Variants in PPP1R9A observed in about 807,000 individuals in gnomAD.
PPP1R9A encodes the protein protein phosphatase 1 regulatory subunit 9A.
PPP1R9A carries 59 observed loss-of-function variants against 141.9 expected under a neutral mutation model. The observed-to-expected ratio is 0.42, with a 90% CI of 0.34 to 0.52. PPP1R9A has a LOEUF of 0.52. Ranked by LOEUF, PPP1R9A falls within the 20% of genes least tolerant of loss-of-function variation. The probability of loss-of-function intolerance (pLI) is 0.10; values close to 1 mark genes in which losing one functional copy is unlikely to be tolerated. For synonymous variants in PPP1R9A, 500 were observed against 569.7 expected (o/e 0.88, Z 1.74); for missense variants, 1,444 against 1,611.9 (o/e 0.90, Z 1.78).
rs17166647 is a variant in PPP1R9A, at chr7:95,102,431, G to A, written c.1396-8828G>A. ...AGAATTTTGATTAGGTTTCAGAGTC[G>A]CGATTGACCCTAGAATCCAGCAGCC... On this transcript the variant is annotated intron_variant, in intron 2 of 19. Coordinates refer to ENST00000433360, the MANE Select transcript of PPP1R9A (RefSeq NM_001166160.2). Among the ~76,000 whole-genome samples, 606 of 152,246 alleles carry A rather than the reference G, an allele frequency of 4.0e-3. 23 individuals are homozygous for A. Among genetic ancestry groups the A allele is most frequent in the East Asian group, 0.037 (193 of 5,168 alleles).
intron 8 of PPP1R9A, 120 bp downstream of exon 8, chr7:95,226,236 T>C: frequency 2.0e-6 from 2 of 990,170 alleles, no homozygotes; most frequent in South Asian, 2.4e-5. Flanking sequence ...TAATAACAGG[T>C]TGTCTTGAGT....
At chr7:94,931,476 G>A (rs1432609545) in intron 2 of PPP1R9A, among the ~76,000 whole-genome samples, 4 of 152,252 alleles carry the variant, frequency 2.6e-5, no homozygotes, top group Non-Finnish European at 5.9e-5. Context: ...AACTTACAGT[G>A]TATATTTATG....
intron 5 of PPP1R9A, among the ~76,000 whole-genome samples, chr7:95,180,280 C>T (rs1490299734): frequency 6.6e-6 from 1 of 152,024 alleles, no homozygotes; most frequent in African/African-American, 2.4e-5. Context: ...GGGGAATGGA[C>T]ACCCTTTTTA....
At position 95,019,132 on chromosome 7, in the gene PPP1R9A, C is replaced by T. The variant is rs143016535; in HGVS notation, c.1396-92127C>T. 6.0e-3 allele frequency among the ~76,000 whole-genome samples: 921 copies of T among 152,268 alleles called. 10 individuals carry two copies. The highest frequency in any genetic ancestry group is 0.021 in the African/African-American group (857 of 41,554). ...AAAATAGGCTGGGCGTGGTGGCTCACGCCTGTAATCCTAGCACTTTGGGAG... is the reference window on the plus strand; with the variant it reads ...AAAATAGGCTGGGCGTGGTGGCTCATGCCTGTAATCCTAGCACTTTGGGAG... On this transcript the variant is annotated intron_variant, in intron 2 of 19. Transcript: ENST00000433360.
rs1812495739 is a variant in PPP1R9A at position 95,063,294 on chromosome 7, C to CT, written c.1396-47964dup. ...AAGGTACATTTGGTGGAGGGAATGG[C>CT]TCACACCTGTAATACCAGCAATTTA... is the stretch of plus-strand genomic sequence containing the variant. On this transcript the variant is annotated intron_variant, in intron 2 of 19. Transcript: ENST00000433360. 2.0e-5 allele frequency among the ~76,000 whole-genome samples: 3 copies of CT among 152,138 alleles called. 1 individual carries two copies. Among genetic ancestry groups the CT allele is most frequent in the Admixed American group, 2.0e-4 (3 of 15,278 alleles).
intron 2 of PPP1R9A, among the ~76,000 whole-genome samples, chr7:94,954,082 T>C (rs867060988): frequency 1.3e-5 from 2 of 152,166 alleles, no homozygotes; most frequent in African/African-American, 4.8e-5. Context: ...TTCAGTATGA[T>C]ATTGGCTGTG....
chr7:94,985,661 T>C (rs2188476), intron 2 of PPP1R9A, among the ~76,000 whole-genome samples: 14,702 of 152,198 alleles, frequency 0.097, 808 homozygotes, highest in East Asian at 0.17. Flanking sequence ...CTTTTATTTT[T>C]TTTTGCTTTC....
chr7:94,945,162 A>G (rs527905636), intron 2 of PPP1R9A, among the ~76,000 whole-genome samples: 29 of 152,228 alleles, frequency 1.9e-4, no homozygotes, highest in African/African-American at 7.0e-4. Flanking sequence ...GTATGATAGT[A>G]AAAGGATTTG....
intron 2 of PPP1R9A, among the ~76,000 whole-genome samples, chr7:95,085,776 C>A (rs1035530881): frequency 1.3e-5 from 2 of 151,964 alleles, no homozygotes; most frequent in South Asian, 4.1e-4. Context: ...CTTGTATTTT[C>A]ACTTGGTATA....
intron 2 of PPP1R9A, among the ~76,000 whole-genome samples, chr7:95,100,806 G>C (rs1027296065): frequency 6.7e-6 from 1 of 149,206 alleles, no homozygotes; most frequent in Non-Finnish European, 1.5e-5. Context: ...CTTGACTTGA[G>C]ATTAATGCTT....
In PPP1R9A at chr7:95,284,225, C is replaced by T. The variant is rs774984322; in HGVS notation, c.3504C>T (p.Asn1168=). The T allele has an allele frequency of 3.8e-6, 6 of 1,567,454 alleles. No individual in the cohort carries two copies. In the South Asian group the frequency reaches 6.6e-5, roughly 17 times the overall value. ...ATAAAAAGGGGTCCAAGGTAGAAAA[C>T]ACATGGATTACAAAAGCAAACAAGA... ...ISDKKGSKVE[N]TWITKANKRN... The change falls in exon 17 of 20, where the codon AAC becomes AAT. Residue 1168 remains asparagine, a synonymous_variant. Coordinates refer to ENST00000433360, the MANE Select transcript of PPP1R9A (RefSeq NM_001166160.2).
intron 2 of PPP1R9A, among the ~76,000 whole-genome samples, chr7:94,960,081 T>C (rs1797454459): frequency 6.6e-6 from 1 of 151,702 alleles, no homozygotes; most frequent in South Asian, 2.1e-4. Context: ...GATTGGATTT[T>C]CTATTTCTTT....
intron 2 of PPP1R9A, among the ~76,000 whole-genome samples, chr7:95,073,869 A>G (rs1411115093): frequency 2.0e-5 from 3 of 152,076 alleles, no homozygotes; most frequent in South Asian, 2.1e-4. Flanking sequence ...GTCATAAGCC[A>G]TGGAACCCAG....
At chr7:95,207,136 G>A (rs1790975085) in intron 7 of PPP1R9A, among the ~76,000 whole-genome samples, 1 of 151,878 alleles carries the variant, frequency 6.6e-6, no homozygotes, top group Admixed American at 6.6e-5. Context: ...CGAGAAATAT[G>A]AGTTGACGGT....
chr7:95,100,995 G>A (rs1341810216), intron 2 of PPP1R9A, among the ~76,000 whole-genome samples: 12 of 151,068 alleles, frequency 7.9e-5, no homozygotes, highest in African/African-American at 2.9e-4. Context: ...TGGGACTACA[G>A]GCGCCCGCTA....
At chr7:95,076,610 T>A (rs199832252) in intron 2 of PPP1R9A, among the ~76,000 whole-genome samples, 3 of 152,120 alleles carry the variant, frequency 2.0e-5, no homozygotes, top group Non-Finnish European at 4.4e-5. Flanking sequence ...TATTAAAAAA[T>A]TTTTAGTTTG....
At chr7:95,085,645 C>T (rs1025091569) in intron 2 of PPP1R9A, among the ~76,000 whole-genome samples, 4 of 151,490 alleles carry the variant, frequency 2.6e-5, no homozygotes, top group Non-Finnish European at 4.4e-5. Flanking sequence ...CAACTCCTGA[C>T]CTCAAGTGAT....
At chr7:95,232,205 T>C (rs1796055401) in intron 8 of PPP1R9A, among the ~76,000 whole-genome samples, 2 of 152,044 alleles carry the variant, frequency 1.3e-5, no homozygotes, top group Admixed American at 6.6e-5. Context: ...TATAAAAATC[T>C]CTGAACAGAC....
intron 2 of PPP1R9A, among the ~76,000 whole-genome samples, chr7:95,092,124 A>G (rs918672921): frequency 6.6e-6 from 1 of 152,192 alleles, no homozygotes; most frequent in African/African-American, 2.4e-5. Flanking sequence ...GAATTGAAGG[A>G]AAACGCCATT....
Sources: gnomAD v4.1 joint callset for allele counts (sites outside exome capture counted in the v4.1 genomes callset) on GRCh38, gnomAD v4.1.1 for gene constraint, MANE v1.5 for transcripts, NCBI Gene and HGNC (gene_info 2026-07-23, HGNC 2026-07-21) for gene names.